The following FBXO28 variants were observed in gnomAD, a reference collection of about 807,000 sequenced individuals.
FBXO28 encodes F-box protein 28.
FBXO28 carries 8 observed loss-of-function variants against 38.1 expected under a neutral mutation model. That is an observed-to-expected ratio of 0.21 (90% confidence interval 0.12 to 0.38). The LOEUF is 0.38. FBXO28 is among the 10% of genes least tolerant of loss of function. FBXO28 has a pLI of 1.00. For synonymous variants in FBXO28, 168 were observed against 173.8 expected (o/e 0.97, Z 0.26); for missense variants, 345 against 460.6 (o/e 0.75, Z 2.30).
chr1:224,156,445 A>C (rs1657775602), intron 4 of FBXO28, among the ~76,000 whole-genome samples: 4 of 152,182 alleles, frequency 2.6e-5, no homozygotes, highest in Admixed American at 2.6e-4. Context: ...CCCTTATCCG[A>C]ATTTCTTAGG....
chr1:224,124,970 G>A lies in FBXO28; in HGVS notation c.268-5502G>A, dbSNP rs948261536. ...TTGAACTCCTAACCTCAGCTGATGC[G>A]CCCAGCCGAAAGATGTATGATCTCT... On this transcript the variant is annotated intron_variant, in intron 1 of 4. Coordinates refer to ENST00000366862, the MANE Select transcript of FBXO28 (RefSeq NM_015176.4). Among the ~76,000 whole-genome samples the A allele has an allele frequency of 6.6e-5, 10 of 151,878 alleles. No homozygotes were observed. In the South Asian group the frequency reaches 1.0e-3, roughly 16 times the overall value.
Position 224,157,952 on chromosome 1 carries a change from A to C in FBXO28, c.*206A>C. The C allele has an allele frequency of 7.2e-7, 1 of 1,392,142 alleles. No homozygotes were observed. The highest frequency in any genetic ancestry group is 9.3e-7 in the Non-Finnish European group (1 of 1,078,910). 86.2% of individuals were successfully genotyped at this position (1,392,142 alleles called of 1,614,324 possible). On this transcript the variant is annotated 3_prime_UTR_variant, in exon 5 of 5. Transcript: ENST00000366862. ...ACAGAATCTTTTTACTTTGCAATAGATTTGTACTAACCAGACCTGTTCTAT... is the reference window on the plus strand; with the variant it reads ...ACAGAATCTTTTTACTTTGCAATAGCTTTGTACTAACCAGACCTGTTCTAT...
intron 3 of FBXO28, among the ~76,000 whole-genome samples, chr1:224,145,293 C>CAAAAAAAAAAAAAAAAAAA (rs3035404): frequency 2.7e-5 from 2 of 73,566 alleles, no homozygotes; most frequent in Non-Finnish European, 2.4e-5. Context: ...GACTACATCT[C>CAAAAAAAAAAAAAAAAAAA]AAAAAAAAAA....
Position 224,148,388 on chromosome 1 carries a change from C to T in FBXO28, c.517-4754C>T, listed in dbSNP as rs560167494. Among the ~76,000 whole-genome samples the T allele has an allele frequency of 1.2e-4, 19 of 152,216 alleles. 1 individual carries two copies. The highest frequency in any genetic ancestry group is 4.3e-4 in the African/African-American group (18 of 41,548). On this transcript the variant is annotated intron_variant, in intron 3 of 4. Transcript: ENST00000366862. Reference sequence around the variant, plus strand: ...AGAAACGGCCAGGCACGGTGGCTCACGCCTGCAATCCCAGCTCTTTGGGAG... The same window carrying T: ...AGAAACGGCCAGGCACGGTGGCTCATGCCTGCAATCCCAGCTCTTTGGGAG...
At position 224,161,812 on chromosome 1, in the gene FBXO28, A is replaced by G. The variant is rs1033252035; in HGVS notation, c.*4066A>G. ...ACATTTAGAAGTATATTGGTAATCT[A>G]TTAGGTCCATTGGCAAAGTATATTG... is the stretch of plus-strand genomic sequence containing the variant. On this transcript the variant is annotated 3_prime_UTR_variant, in exon 5 of 5. Coordinates refer to ENST00000366862, the MANE Select transcript of FBXO28 (RefSeq NM_015176.4). 1 of 152,220 alleles carries G rather than the reference A, an allele frequency of 6.6e-6. No homozygotes were observed. Among genetic ancestry groups the G allele is most frequent in the African/African-American group, 2.4e-5 (1 of 41,460 alleles). The allele number at this position is 152,220 out of a possible 1,614,324, so 9.4% of individuals were successfully genotyped here.
intron 1 of FBXO28, among the ~76,000 whole-genome samples, chr1:224,121,263 G>C (rs939295968): frequency 6.6e-6 from 1 of 152,128 alleles, no homozygotes; most frequent in Non-Finnish European, 1.5e-5. Context: ...GCTTTTTTAT[G>C]TGGTGGTTAG....
In FBXO28 at chr1:224,145,693, C is replaced by T. The variant is rs189237511; in HGVS notation, c.517-7449C>T. ...ATCCCAGCACTTTGGAAGGCTGATG[C>T]GGGCAGATCACCTGAGGTCATGAGT... is the stretch of plus-strand genomic sequence containing the variant. On this transcript the variant is annotated intron_variant, in intron 3 of 4. Transcript: ENST00000366862. Among the ~76,000 whole-genome samples, 9 of 152,178 alleles carry T rather than the reference C, an allele frequency of 5.9e-5. No individual in the cohort carries two copies. In the East Asian group the frequency reaches 9.7e-4, roughly 16 times the overall value.
intron 3 of FBXO28, among the ~76,000 whole-genome samples, chr1:224,137,474 G>A (rs1195012943): frequency 2.0e-5 from 3 of 151,530 alleles, no homozygotes; most frequent in Non-Finnish European, 4.4e-5. Flanking sequence ...AGTGAGCCAA[G>A]ATCATGCCAC....
At chr1:224,130,788 C>A in intron 2 of FBXO28, 1 of 435,570 alleles carries the variant, frequency 2.3e-6, no homozygotes, top group Non-Finnish European at 4.1e-6. Flanking sequence ...AGAAATTAGG[C>A]AAGAAAATGA....
rs1657799762 is a variant in FBXO28, at chr1:224,157,497, C to T, written c.858C>T (p.Arg286=). ...TCAGGCGTGAAATTTCTGAGCTTCG[C>T]ACCAAAGTGCAAGAACAGCAAAAAC... ...TVLRREISEL[R]TKVQEQQKQL... is the part of the protein sequence containing the mutation. The change falls in exon 5 of 5, where the codon CGC becomes CGT. Residue 286 remains arginine (R), a synonymous_variant. Transcript: ENST00000366862. 1 of 1,614,138 alleles carries T rather than the reference C, an allele frequency of 6.2e-7. No homozygotes were observed. Among genetic ancestry groups the T allele is most frequent in the African/African-American group, 1.3e-5 (1 of 74,948 alleles).
intron 4 of FBXO28, among the ~76,000 whole-genome samples, chr1:224,156,966 C>T (rs1365149010): frequency 6.7e-6 from 1 of 149,110 alleles, no homozygotes; most frequent in Non-Finnish European, 1.5e-5. Context: ...CACGCCACTG[C>T]ACTCCAGCCT....
At position 224,125,706 on chromosome 1, in the gene FBXO28, G is replaced by A. The variant is rs541737228; in HGVS notation, c.268-4766G>A. Among the ~76,000 whole-genome samples the A allele has an allele frequency of 6.7e-5, 10 of 148,738 alleles. No individual in the cohort carries two copies. The South Asian group carries it at 8.5e-4, about 13-fold the overall frequency. On this transcript the variant is annotated intron_variant, in intron 1 of 4. Transcript: ENST00000366862. Reference sequence around the variant, plus strand: ...ATCCAGGCTGGAGTGCATTGGTGCCGTCTCGGACCACTGTAACCTCCACCT... The same window carrying A: ...ATCCAGGCTGGAGTGCATTGGTGCCATCTCGGACCACTGTAACCTCCACCT...
At chr1:224,130,614 A>C (rs747326576) in intron 2 of FBXO28, 33 bp downstream of exon 2, 1 of 1,452,942 alleles carries the variant, frequency 6.9e-7, no homozygotes. Flanking sequence ...AATGATGTAC[A>C]GTTGGTTTTG....
chr1:224,139,454 T>TA (rs774990690), intron 3 of FBXO28, among the ~76,000 whole-genome samples: 5 of 151,706 alleles, frequency 3.3e-5, no homozygotes, highest in Non-Finnish European at 5.9e-5. Flanking sequence ...TCTTTATAAA[T>TA]ACATTTTGGC....
chr1:224,114,135 G>A lies in FBXO28; in HGVS notation c.6G>A (p.Ala2=), dbSNP rs368184316. Residue 2 remains alanine, a synonymous_variant, in exon 1 of 5, where the codon GCG becomes GCA. Coordinates refer to ENST00000366862, the MANE Select transcript of FBXO28 (RefSeq NM_015176.4). ...TAAGGAATCAAGCCCCCAAGATGGC[G>A]GCAGCGGCGGAGGAGCGGATGGCAG... is the stretch of plus-strand genomic sequence containing the variant. M[A]AAAEERMAEE... 4.5e-4 allele frequency: 696 copies of A among 1,539,406 alleles called. 4 individuals are homozygous for A. The highest frequency in any genetic ancestry group is 3.3e-3 in the Middle Eastern group (15 of 4,492).
chr1:224,141,220 C>G (rs1401810432), intron 3 of FBXO28, among the ~76,000 whole-genome samples: 1 of 151,710 alleles, frequency 6.6e-6, no homozygotes, highest in Non-Finnish European at 1.5e-5. Flanking sequence ...CGCCTGTAAT[C>G]CCAGCACTTT....
chr1:224,115,249 T>G (rs1205346074), intron 1 of FBXO28, among the ~76,000 whole-genome samples: 1 of 152,208 alleles, frequency 6.6e-6, no homozygotes, highest in Non-Finnish European at 1.5e-5. Flanking sequence ...GATGTGGTGA[T>G]TGTTAGTTCA....
intron 3 of FBXO28, among the ~76,000 whole-genome samples, chr1:224,139,764 GCATACATACATACATACATA>G (rs57108038): frequency 6.9e-6 from 1 of 145,936 alleles, no homozygotes; most frequent in East Asian, 2.1e-4. Flanking sequence ...ATGCATGCAT[GCATACATACATACATACATA>G]CATACATACA....
chr1:224,129,766 G>A (rs991362124), intron 1 of FBXO28, among the ~76,000 whole-genome samples: 1 of 152,134 alleles, frequency 6.6e-6, no homozygotes, highest in African/African-American at 2.4e-5. Flanking sequence ...GAGGCAGGCG[G>A]ATCACAAGGT....
Sources: allele counts gnomAD v4.1 joint callset (sites outside exome capture counted in the v4.1 genomes callset), GRCh38; gene constraint gnomAD v4.1.1; transcripts MANE v1.5; gene names NCBI Gene and HGNC (gene_info 2026-07-23, HGNC 2026-07-21).